The following FER variants were observed in gnomAD, a reference collection of about 807,000 sequenced individuals.
The protein encoded by FER is tyrosine-protein kinase Fer.
FER carries 63 observed loss-of-function variants against 111.0 expected under a neutral mutation model. The ratio of observed to expected loss-of-function variants is 0.57; its 90% confidence interval spans 0.46 to 0.70. FER has a LOEUF of 0.70. Ranked by LOEUF, FER falls within the 30% of genes least tolerant of loss-of-function variation. FER has a pLI of 0.00. For synonymous variants in FER, 327 were observed against 313.9 expected (o/e 1.04, Z -0.44); for missense variants, 914 against 954.0 (o/e 0.96, Z 0.55).
At chr5:108,782,637 T>C (rs956478796) in intron 2 of FER, 6 of 152,144 alleles carry the variant, frequency 3.9e-5, no homozygotes, top group Non-Finnish European at 7.4e-5. Flanking sequence ...AGTTAAATTT[T>C]TGTTTTCTTT....
chr5:108,984,075 T>C (rs2149728586), intron 13 of FER, among the ~76,000 whole-genome samples: 1 of 152,220 alleles, frequency 6.6e-6, no homozygotes, highest in East Asian at 1.9e-4. Flanking sequence ...GGGGACTCAT[T>C]TAATTTTTCA....
chr5:108,805,069 G>A (rs1356103758), intron 3 of FER, among the ~76,000 whole-genome samples: 1 of 151,824 alleles, frequency 6.6e-6, no homozygotes, highest in Non-Finnish European at 1.5e-5. Flanking sequence ...TGGTTCGGCT[G>A]TGTCCCCACC....
At chr5:108,992,827 C>T (rs1335406930) in intron 13 of FER, among the ~76,000 whole-genome samples, 11 of 147,036 alleles carry the variant, frequency 7.5e-5, no homozygotes, top group Admixed American at 2.7e-4. Context: ...TCAGACAGGG[C>T]GGCCGGGCAG....
intron 17 of FER, among the ~76,000 whole-genome samples, chr5:109,178,924 T>A (rs1042739796): frequency 1.2e-4 from 18 of 151,554 alleles, no homozygotes; most frequent in Middle Eastern, 3.2e-3. Flanking sequence ...ACATATTTTT[T>A]AATTAATATT....
chr5:108,865,032 A>C (rs924205929), intron 5 of FER, among the ~76,000 whole-genome samples: 16 of 152,002 alleles, frequency 1.1e-4, no homozygotes, highest in South Asian at 2.1e-4. Flanking sequence ...CTTTTATTTC[A>C]TTGAGCAGTG....
chr5:108,895,118 A>G lies in FER; in HGVS notation c.1047-2541A>G, dbSNP rs1400904295. On this transcript the variant is annotated intron_variant, in intron 9 of 19. Coordinates refer to ENST00000281092, the MANE Select transcript of FER (RefSeq NM_005246.4). The stretch of plus-strand genomic sequence containing the variant: ...TATTATCCAGGGTAAAATAAAGGTG[A>G]AATAACAGTAAAGCATAGAGATTGG... 2.6e-5 allele frequency among the ~76,000 whole-genome samples: 4 copies of G among 152,212 alleles called. No individual in the cohort carries two copies. The East Asian group carries it at 7.7e-4, about 29-fold the overall frequency.
intron 1 of FER, among the ~76,000 whole-genome samples, chr5:108,765,000 C>A (rs914725570): frequency 6.6e-6 from 1 of 151,932 alleles, no homozygotes; most frequent in African/African-American, 2.4e-5. Context: ...CACCCTAGTC[C>A]CATTTGTGAA....
At chr5:108,786,117 T>G (rs1754690167) in intron 2 of FER, among the ~76,000 whole-genome samples, 1 of 152,214 alleles carries the variant, frequency 6.6e-6, no homozygotes, top group Non-Finnish European at 1.5e-5. Context: ...TTGGAGGCCC[T>G]GAGATTTACT....
intron 1 of FER, among the ~76,000 whole-genome samples, chr5:108,759,597 G>A (rs1751493994): frequency 6.6e-6 from 1 of 152,224 alleles, no homozygotes; most frequent in Non-Finnish European, 1.5e-5. Context: ...CACAGTTCTA[G>A]AGGCTGGAAA....
chr5:109,035,561 A>G (rs1483140192), intron 13 of FER, among the ~76,000 whole-genome samples: 1 of 152,128 alleles, frequency 6.6e-6, no homozygotes, highest in African/African-American at 2.4e-5. Flanking sequence ...AGTTGTTTCT[A>G]GTTTTTGGCT....
chr5:109,129,377 A>G (rs1582166265), intron 17 of FER, among the ~76,000 whole-genome samples: 1 of 152,128 alleles, frequency 6.6e-6, no homozygotes, highest in East Asian at 1.9e-4. Context: ...ATATCTATGT[A>G]TACTTGTTTA....
At chr5:109,175,023 C>T (rs554284899) in intron 17 of FER, among the ~76,000 whole-genome samples, 15 of 97,116 alleles carry the variant, frequency 1.5e-4, no homozygotes, top group Non-Finnish European at 1.6e-4. Context: ...AGTGACTTAA[C>T]GTATAAAAAG....
At chr5:108,856,529 ATGATGATCTCTACATTTT>A (rs1763024141) in intron 5 of FER, among the ~76,000 whole-genome samples, 1 of 152,082 alleles carries the variant, frequency 6.6e-6, no homozygotes, top group Non-Finnish European at 1.5e-5. Context: ...TGCTAAATTA[ATGATGATCTCTACATTTT>A]TGATACAGTC....
intron 17 of FER, among the ~76,000 whole-genome samples, chr5:109,146,542 A>T (rs1754236844): frequency 6.6e-6 from 1 of 151,726 alleles, no homozygotes; most frequent in Admixed American, 6.6e-5. Flanking sequence ...TGTCTTGTTT[A>T]TTTCTACATG....
intron 17 of FER, among the ~76,000 whole-genome samples, chr5:109,110,382 G>A (rs976759682): frequency 2.0e-5 from 3 of 152,114 alleles, no homozygotes; most frequent in African/African-American, 7.2e-5. Context: ...AAAAGAGTGA[G>A]CCATGTGAAT....
In FER at chr5:108,795,870, C is replaced by T. The variant is rs142704676; in HGVS notation, c.-59-2254C>T. On this transcript the variant is annotated intron_variant, in intron 2 of 19. Transcript: ENST00000281092. Reference sequence around the variant, plus strand: ...TTCAGGCCAGGATTGGTTCCTGGTGCCTTAATTTAGTTTGTGTATGGAGAT... The same window carrying T: ...TTCAGGCCAGGATTGGTTCCTGGTGTCTTAATTTAGTTTGTGTATGGAGAT... Among the ~76,000 whole-genome samples the T allele has an allele frequency of 4.5e-3, 688 of 152,168 alleles. 4 individuals carry two copies. The highest frequency in any genetic ancestry group is 0.016 in the African/African-American group (648 of 41,502).
intron 13 of FER, among the ~76,000 whole-genome samples, chr5:109,016,449 A>C (rs1381700367): frequency 6.6e-6 from 1 of 152,060 alleles, no homozygotes; most frequent in Non-Finnish European, 1.5e-5. Flanking sequence ...AACTCCTATA[A>C]AGCAAAGTGA....
chr5:109,119,669 C>G (rs1750716320), intron 17 of FER, among the ~76,000 whole-genome samples: 1 of 152,046 alleles, frequency 6.6e-6, no homozygotes, highest in African/African-American at 2.4e-5. Context: ...TCTCTAAGGA[C>G]TTGCTTTATG....
chr5:109,014,875 G>T (rs34412145), intron 13 of FER: 80 of 152,188 alleles, frequency 5.3e-4, no homozygotes, highest in African/African-American at 1.6e-3. Flanking sequence ...TCATCCTTGC[G>T]CAGGGGCCAT....
Sources: allele counts gnomAD v4.1 joint callset (sites outside exome capture counted in the v4.1 genomes callset), GRCh38; gene constraint gnomAD v4.1.1; transcripts MANE v1.5; gene names NCBI Gene and HGNC (gene_info 2026-07-23, HGNC 2026-07-21).